Variants in PEX3 observed in about 807,000 individuals in gnomAD.
PEX3 encodes the protein peroxin-3.
Under a neutral mutation model 55.8 loss-of-function variants are expected in PEX3, and 30 were observed. The observed-to-expected ratio is 0.54, with a 90% CI of 0.40 to 0.73. The LOEUF is 0.73. Among genes scored for constraint, PEX3 ranks in the 30% least tolerant of loss-of-function variants. PEX3 has a pLI of 0.00. For missense variants in PEX3, 351 were observed against 432.8 expected (o/e 0.81, Z 1.68); for synonymous variants, 135 against 148.4 (o/e 0.91, Z 0.66).
chr6:143,479,313 T>G lies in PEX3; in HGVS notation c.941+115T>G, dbSNP rs1780199272. ...CCTATTAAATTTGAGTGCCTCATTT[T>G]TTAACAAATTAAACTCTGTTAAACC... On this transcript the variant is annotated intron_variant, in intron 10 of 11. Transcript: ENST00000367591. The surrounding 1 kb of genome is among the most constrained non-coding windows in gnomAD (Gnocchi z 4.6). 1 of 782,944 alleles carries G rather than the reference T, an allele frequency of 1.3e-6. No homozygotes were observed. The highest frequency in any genetic ancestry group is 1.7e-5 in the African/African-American group (1 of 58,008). 48.5% of individuals were successfully genotyped at this position (782,944 alleles called of 1,614,324 possible).
Position 143,479,892 on chromosome 6 carries a change from G to A in PEX3, c.941+694G>A, listed in dbSNP as rs1309623635. 1.3e-5 allele frequency among the ~76,000 whole-genome samples: 2 copies of A among 151,854 alleles called. No individual in the cohort carries two copies. The highest frequency in any genetic ancestry group is 2.9e-5 in the Non-Finnish European group (2 of 67,916). ...TTATGTCAAACTCGGAAAATAATGGGTACTAAATTAATGTTGACTGACTGT... is the reference window on the plus strand; with the variant it reads ...TTATGTCAAACTCGGAAAATAATGGATACTAAATTAATGTTGACTGACTGT... On this transcript the variant is annotated intron_variant, in intron 10 of 11. Transcript: ENST00000367591. This position sits in a 1 kb window ranked among gnomAD's most constrained non-coding sequence, Gnocchi z 4.6.
rs1018115345 is a variant in PEX3 at position 143,464,433 on chromosome 6, G to T, written c.287+1436G>T. Reference sequence around the variant, plus strand: ...GAGGAAGTAGACTAAATAAATTATCGTAATTCCGGACATATTTAGTGCAAT... The same window carrying T: ...GAGGAAGTAGACTAAATAAATTATCTTAATTCCGGACATATTTAGTGCAAT... On this transcript the variant is annotated intron_variant, in intron 3 of 11. Transcript: ENST00000367591. The surrounding 1 kb of genome is among the most constrained non-coding windows in gnomAD (Gnocchi z 5.8). 1.3e-5 allele frequency among the ~76,000 whole-genome samples: 2 copies of T among 151,832 alleles called. No individual in the cohort carries two copies. Among genetic ancestry groups the T allele is most frequent in the Non-Finnish European group, 2.9e-5 (2 of 67,866 alleles).
At chr6:143,480,322 A>G (rs918364023) in intron 10 of PEX3, among the ~76,000 whole-genome samples, 1 of 152,220 alleles carries the variant, frequency 6.6e-6, no homozygotes, top group Admixed American at 6.5e-5. Flanking sequence ...TTTTGCAAGT[A>G]GTGATACATA....
intron 4 of PEX3, among the ~76,000 whole-genome samples, chr6:143,469,855 A>G (rs957602319): frequency 3.9e-5 from 6 of 152,138 alleles, no homozygotes; most frequent in Non-Finnish European, 8.8e-5. Context: ...ATTTTTGTAT[A>G]AGGTGTGAGA....
In PEX3 at chr6:143,462,954, C is replaced by T; in HGVS notation, c.244C>T (p.Gln82Ter). ...TCCAACACTGAGAGAGGCCTTAATGCAGCAACTGAATTCCGAGAGCCTCAC... is the reference window on the plus strand; with the variant it reads ...TCCAACACTGAGAGAGGCCTTAATGTAGCAACTGAATTCCGAGAGCCTCAC... ...MLPTLREALM[Q>*]QLNSESLTAL... Residue 82 changes from glutamine (Q) to a stop codon, truncating the protein, a stop_gained, in exon 3 of 12, where the codon CAG (glutamine) becomes TAG (stop). Transcript: ENST00000367591. LOFTEE classifies it high-confidence loss of function. The surrounding 1 kb of genome is among the most constrained non-coding windows in gnomAD (Gnocchi z 4.1). 6.2e-7 allele frequency: 1 copy of T among 1,613,770 alleles called. No homozygotes were observed. Among genetic ancestry groups the T allele is most frequent in the Non-Finnish European group, 8.5e-7 (1 of 1,179,768 alleles).
chr6:143,469,670 CTTTAG>C (rs1348183285), intron 4 of PEX3, among the ~76,000 whole-genome samples: 2 of 152,130 alleles, frequency 1.3e-5, no homozygotes, highest in African/African-American at 4.8e-5. Flanking sequence ...TGCAGAAGCT[CTTTAG>C]TTTAATTAGA....
intron 10 of PEX3, among the ~76,000 whole-genome samples, chr6:143,484,740 T>C (rs1255571527): frequency 1.3e-5 from 2 of 152,030 alleles, no homozygotes; most frequent in African/African-American, 2.4e-5. Context: ...ATTAAGAAAA[T>C]TTAGGCAAAA....
chr6:143,466,876 ACAGACTTTT>A lies in PEX3; in HGVS notation c.288-1245_288-1237del, dbSNP rs1039768297. ...AGGGAGAAAATGAAGGGGGTTAGGAACAGACTTTTTTGAATATACTGTATTATATAAATT... is the reference window on the plus strand; with the variant it reads ...AGGGAGAAAATGAAGGGGGTTAGGAATTGAATATACTGTATTATATAAATT... On this transcript the variant is annotated intron_variant, in intron 3 of 11. Coordinates refer to ENST00000367591, the MANE Select transcript of PEX3 (RefSeq NM_003630.3). The surrounding 1 kb of genome is among the most constrained non-coding windows in gnomAD (Gnocchi z 5.4). 1.3e-5 allele frequency among the ~76,000 whole-genome samples: 2 copies of A among 152,020 alleles called. No individual in the cohort carries two copies. Among genetic ancestry groups the A allele is most frequent in the Admixed American group, 1.3e-4 (2 of 15,258 alleles).
chr6:143,474,673 T>A, intron 8 of PEX3, 113 bp from the exon 9 acceptor site: 1 of 727,656 alleles, frequency 1.4e-6, no homozygotes, highest in Non-Finnish European at 2.5e-6. Flanking sequence ...TTTTTATTGT[T>A]GATAGAACAT....
chr6:143,471,942 A>G lies in PEX3; in HGVS notation c.579-218A>G. ...TACTAGTAATATCTATAATTACAGTAGGAATTCTCTTATGGAATCCAGAGA... is the reference window on the plus strand; with the variant it reads ...TACTAGTAATATCTATAATTACAGTGGGAATTCTCTTATGGAATCCAGAGA... On this transcript the variant is annotated intron_variant, in intron 7 of 11. Coordinates refer to ENST00000367591, the MANE Select transcript of PEX3 (RefSeq NM_003630.3). The surrounding 1 kb of genome is among the most constrained non-coding windows in gnomAD (Gnocchi z 5.4). 6.6e-6 allele frequency among the ~76,000 whole-genome samples: 1 copy of G among 152,190 alleles called. No individual in the cohort carries two copies. The highest frequency in any genetic ancestry group is 6.5e-5 in the Admixed American group (1 of 15,288).
In PEX3 at chr6:143,487,072, T is replaced by A. The variant is rs1438161052; in HGVS notation, c.1038+1824T>A. Among the ~76,000 whole-genome samples the A allele has an allele frequency of 6.6e-6, 1 of 152,120 alleles. No homozygotes were observed. The highest frequency in any genetic ancestry group is 1.5e-5 in the Non-Finnish European group (1 of 67,996). On this transcript the variant is annotated intron_variant, in intron 11 of 11. Coordinates refer to ENST00000367591, the MANE Select transcript of PEX3 (RefSeq NM_003630.3). The surrounding 1 kb of genome is among the most constrained non-coding windows in gnomAD (Gnocchi z 5.3). ...AGGAAATGGGAGAATCAGAAAACAA[T>A]CGAGAAAGGTGGTTTTTCAAATTAT...
Position 143,489,154 on chromosome 6 carries a change from A to G in PEX3, c.1050A>G (p.Thr350=). 6.2e-7 allele frequency: 1 copy of G among 1,603,106 alleles called. No homozygotes were observed. Among genetic ancestry groups the G allele is most frequent in the Non-Finnish European group, 8.5e-7 (1 of 1,170,276 alleles). ...TPSHFVQDLL[T]MEQVKDFAAN... Reference sequence around the variant, plus strand: ...ATCATCTTTGCTAGGATCTGTTGACAATGGAGCAAGTGAAAGACTTTGCTG... The same window carrying G: ...ATCATCTTTGCTAGGATCTGTTGACGATGGAGCAAGTGAAAGACTTTGCTG... The change falls in exon 12 of 12, where the codon ACA becomes ACG. Residue 350 remains threonine, a synonymous_variant. Transcript: ENST00000367591. This position sits in a 1 kb window ranked among gnomAD's most constrained non-coding sequence, Gnocchi z 5.5.
rs1231804702 is a variant in PEX3, at chr6:143,482,929, T to C, written c.942-2223T>C. ...ACTTTATATAAAAGAAGTCTAGGTTTGACTGTATAATTTTTAAAACTTCAA... is the reference window on the plus strand; with the variant it reads ...ACTTTATATAAAAGAAGTCTAGGTTCGACTGTATAATTTTTAAAACTTCAA... On this transcript the variant is annotated intron_variant, in intron 10 of 11. Transcript: ENST00000367591. This position sits in a 1 kb window ranked among gnomAD's most constrained non-coding sequence, Gnocchi z 5.5. 2.0e-5 allele frequency among the ~76,000 whole-genome samples: 3 copies of C among 152,120 alleles called. No individual in the cohort carries two copies. Among genetic ancestry groups the C allele is most frequent in the African/African-American group, 4.8e-5 (2 of 41,438 alleles).
At position 143,466,172 on chromosome 6, in the gene PEX3, A is replaced by C. The variant is rs1332523001; in HGVS notation, c.288-1950A>C. ...CCATCTGTATACAATAGTCCCATCCACCTTATCCATGGTTTCACTTTCCAA... is the reference window on the plus strand; with the variant it reads ...CCATCTGTATACAATAGTCCCATCCCCCTTATCCATGGTTTCACTTTCCAA... On this transcript the variant is annotated intron_variant, in intron 3 of 11. Transcript: ENST00000367591. This position sits in a 1 kb window ranked among gnomAD's most constrained non-coding sequence, Gnocchi z 5.4. Among the ~76,000 whole-genome samples the C allele has an allele frequency of 6.6e-6, 1 of 152,042 alleles. No homozygotes were observed. Among genetic ancestry groups the C allele is most frequent in the Non-Finnish European group, 1.5e-5 (1 of 67,926 alleles).
In PEX3 at chr6:143,462,620, GAC is replaced by G. The variant is rs1294514567; in HGVS notation, c.206-295_206-294del. Among the ~76,000 whole-genome samples, 1 of 152,138 alleles carries G rather than the reference GAC, an allele frequency of 6.6e-6. No homozygotes were observed. Among genetic ancestry groups the G allele is most frequent in the Non-Finnish European group, 1.5e-5 (1 of 68,012 alleles). ...AATTGTTCATAATCCATAGCTCAAAGACCACCACTGTTAAAATCTGAGAATAA... is the reference window on the plus strand; with the variant it reads ...AATTGTTCATAATCCATAGCTCAAAGCACCACTGTTAAAATCTGAGAATAA... On this transcript the variant is annotated intron_variant, in intron 2 of 11. Transcript: ENST00000367591. The surrounding 1 kb of genome is among the most constrained non-coding windows in gnomAD (Gnocchi z 4.1).
At chr6:143,480,880 C>T (rs1035037168) in intron 10 of PEX3, among the ~76,000 whole-genome samples, 2 of 151,996 alleles carry the variant, frequency 1.3e-5, no homozygotes, top group Non-Finnish European at 2.9e-5. Context: ...GGGCATGCGG[C>T]ACATGCCTGT....
chr6:143,451,234 A>G lies in PEX3; in HGVS notation c.73+119A>G, dbSNP rs1779757383. 2.5e-6 allele frequency: 2 copies of G among 796,034 alleles called. No individual in the cohort carries two copies. Among genetic ancestry groups the G allele is most frequent in the South Asian group, 1.4e-5 (1 of 72,980 alleles). The allele number at this position is 796,034 out of a possible 1,614,324, so 49.3% of individuals were successfully genotyped here. The stretch of plus-strand genomic sequence containing the variant: ...TGGGATATGTAGAGGGAGTTCGATC[A>G]ACCATGGGATGAAAAGGGAGGTGGC... On this transcript the variant is annotated intron_variant, in intron 1 of 11. Transcript: ENST00000367591. The surrounding 1 kb of genome is among the most constrained non-coding windows in gnomAD (Gnocchi z 4.1).
intron 4 of PEX3, among the ~76,000 whole-genome samples, 176 bp downstream of exon 4, chr6:143,468,341 A>C (rs1780018379): frequency 6.6e-6 from 1 of 152,186 alleles, no homozygotes; most frequent in African/African-American, 2.4e-5. Context: ...GCATTCAGTA[A>C]ATGTTAGTGG....
chr6:143,454,809 G>A lies in PEX3; in HGVS notation c.73+3694G>A, dbSNP rs1457997022. ...AGAAGGAAAAAGAGCAATTCAAGAG[G>A]TTCAGCAACATTGCTTTTTATGAAT... On this transcript the variant is annotated intron_variant, in intron 1 of 11. Coordinates refer to ENST00000367591, the MANE Select transcript of PEX3 (RefSeq NM_003630.3). This position sits in a 1 kb window ranked among gnomAD's most constrained non-coding sequence, Gnocchi z 4.3. Among the ~76,000 whole-genome samples, 1 of 152,176 alleles carries A rather than the reference G, an allele frequency of 6.6e-6. No homozygotes were observed. Among genetic ancestry groups the A allele is most frequent in the Non-Finnish European group, 1.5e-5 (1 of 68,032 alleles).
Sources: gnomAD v4.1 joint callset for allele counts (sites outside exome capture counted in the v4.1 genomes callset) on GRCh38, gnomAD v4.1.1 for gene constraint, Gnocchi (gnomAD v3.1) non-coding constraint, MANE v1.5 for transcripts, NCBI Gene and HGNC (gene_info 2026-07-23, HGNC 2026-07-21) for gene names.